CLEC4C: variants seen among roughly 807,000 people sequenced by gnomAD.
CLEC4C encodes C-type (calcium dependent, carbohydrate-recognition domain) lectin, superfamily member 11.
In CLEC4C, 17 loss-of-function variants were observed where a neutral mutation model predicts 27.7. The observed-to-expected ratio is 0.61, with a 90% CI of 0.42 to 0.92. The LOEUF is 0.92. Among genes scored for constraint, CLEC4C ranks in the 40% least tolerant of loss-of-function variants. The probability of loss-of-function intolerance (pLI) is 0.00; values close to 1 mark genes in which losing one functional copy is unlikely to be tolerated. For synonymous variants in CLEC4C, 80 were observed against 80.8 expected (o/e 0.99, Z 0.06); for missense variants, 244 against 257.3 (o/e 0.95, Z 0.35).
intron 2 of CLEC4C, among the ~76,000 whole-genome samples, chr12:7,743,943 C>A (rs1864917395): frequency 6.6e-6 from 1 of 152,132 alleles, no homozygotes; most frequent in African/African-American, 2.4e-5. Flanking sequence ...CCTCAGGAAG[C>A]TTTCAGTCAT....
At chr12:7,747,201 T>C in intron 1 of CLEC4C, 117 bp downstream of exon 1, 2 of 877,578 alleles carry the variant, frequency 2.3e-6, no homozygotes, top group Non-Finnish European at 3.9e-6. Flanking sequence ...AAATTACTAT[T>C]ATTTATGAAA....
chr12:7,741,907 G>A (rs12829127), intron 2 of CLEC4C, among the ~76,000 whole-genome samples: 1 of 152,002 alleles, frequency 6.6e-6, no homozygotes, highest in African/African-American at 2.4e-5. Flanking sequence ...TATAATCCGA[G>A]CTACTTGGGA....
At chr12:7,746,179 A>C in intron 2 of CLEC4C, 152 bp downstream of exon 2, 1 of 563,394 alleles carries the variant, frequency 1.8e-6, no homozygotes, top group Non-Finnish European at 3.1e-6. Flanking sequence ...ACGCCACTGC[A>C]CTCCATCCTG....
chr12:7,747,342 G>C lies in CLEC4C; in HGVS notation c.7C>G (p.Pro3Ala), dbSNP rs1351752007. ...CCTCGGTCTTGAGGCTCTTCTTCAG[G>C]CACCATTGTGTGTGCGCACACCCTT... MV[P>A]EEEPQDREKG... Residue 3 changes from proline (P) to alanine (A), a missense_variant, in exon 1 of 6, where the codon CCT (proline) becomes GCT (alanine). Physicochemically the swap from Pro to Ala is conservative, Grantham distance 27. Transcript: ENST00000360345. 6.2e-7 allele frequency: 1 copy of C among 1,614,028 alleles called. No individual in the cohort carries two copies. The highest frequency in any genetic ancestry group is 8.5e-7 in the Non-Finnish European group (1 of 1,179,996).
intron 3 of CLEC4C, 137 bp downstream of exon 3, chr12:7,741,284 T>C (rs755669581): frequency 1.6e-5 from 10 of 612,720 alleles, no homozygotes; most frequent in Non-Finnish European, 2.7e-5. Flanking sequence ...CTATTTAAGA[T>C]ACCAAGTAGA....
chr12:7,729,499 T>G lies in CLEC4C; in HGVS notation c.*97A>C. ...AGCCTGCTGAAACATTTTAGGGGCA[T>G]TCCTTGTACAAAACTTACACATAAA... On this transcript the variant is annotated 3_prime_UTR_variant, in exon 6 of 6. Transcript: ENST00000360345. 1 of 1,118,394 alleles carries G rather than the reference T, an allele frequency of 8.9e-7. No homozygotes were observed. 69.3% of individuals were successfully genotyped at this position (1,118,394 alleles called of 1,614,324 possible).
At chr12:7,739,690 CT>C (rs147510468) in intron 3 of CLEC4C, among the ~76,000 whole-genome samples, 34,456 of 151,360 alleles carry the variant, frequency 0.23, 4,450 homozygotes, top group Admixed American at 0.32. Context: ...TATTTATTAT[CT>C]TTTTTTTAGA....
At chr12:7,734,838 G>A (rs1206250452) in intron 4 of CLEC4C, among the ~76,000 whole-genome samples, 3 of 151,612 alleles carry the variant, frequency 2.0e-5, no homozygotes, top group Admixed American at 1.3e-4. Context: ...ATGAGCCACC[G>A]TGCCTGGCCT....
At chr12:7,737,306 G>GT (rs1457828483) in intron 4 of CLEC4C, 123 bp downstream of exon 4, 973 of 846,576 alleles carry the variant, frequency 1.1e-3, no homozygotes, top group Non-Finnish European at 1.2e-3. Flanking sequence ...TGTTTTTTGG[G>GT]TTTTTTTTTA....
At position 7,741,500 on chromosome 12, in the gene CLEC4C, G is replaced by C. The variant is rs1052948322; in HGVS notation, c.156C>G (p.Val52=). The change falls in exon 3 of 6, where the codon GTC becomes GTG. Residue 52 remains valine, a synonymous_variant. Coordinates refer to ENST00000360345, the MANE Select transcript of CLEC4C (RefSeq NM_001371390.1). ...ACTCTCGTAACTTGGACAGCCTCTT[G>C]ACAGTTTTGCTATACATAAAATTGT... ...VPHNFMYSKT[V]KRLSKLREYQ... is the part of the protein sequence containing the mutation. 15 of 1,610,784 alleles carry C rather than the reference G, an allele frequency of 9.3e-6. No homozygotes were observed. The highest frequency in any genetic ancestry group is 1.2e-5 in the Non-Finnish European group (14 of 1,177,122).
Position 7,729,436 on chromosome 12 carries a change from ATGTG to A in CLEC4C, c.*156_*159del. 1 of 591,652 alleles carries A rather than the reference ATGTG, an allele frequency of 1.7e-6. No individual in the cohort carries two copies. Among genetic ancestry groups the A allele is most frequent in the Non-Finnish European group, 2.9e-6 (1 of 342,256 alleles). The allele number at this position is 591,652 out of a possible 1,614,324, so 36.7% of individuals were successfully genotyped here. On this transcript the variant is annotated 3_prime_UTR_variant, in exon 6 of 6. Transcript: ENST00000360345. Reference sequence around the variant, plus strand: ...AATAAATGAATAAATGAATAAATGAATGTGTGAATGGATTATATCATAAGTGTAA... The same window carrying A: ...AATAAATGAATAAATGAATAAATGAATGAATGGATTATATCATAAGTGTAA...
intron 4 of CLEC4C, among the ~76,000 whole-genome samples, chr12:7,736,111 C>T (rs932488964): frequency 5.9e-5 from 9 of 152,020 alleles, no homozygotes; most frequent in Non-Finnish European, 8.8e-5. Flanking sequence ...GTGAAACCCC[C>T]GTCTCTACTA....
intron 2 of CLEC4C, among the ~76,000 whole-genome samples, chr12:7,745,981 C>T (rs1391011360): frequency 2.0e-5 from 3 of 151,502 alleles, no homozygotes; most frequent in East Asian, 3.9e-4. Flanking sequence ...TTTGGGAGGC[C>T]AAGGTGGGCG....
intron 2 of CLEC4C, among the ~76,000 whole-genome samples, chr12:7,745,596 C>T (rs147781690): frequency 0.22 from 32,984 of 151,254 alleles, 4,284 homozygotes; most frequent in Admixed American, 0.31. Context: ...CTGCACCCAG[C>T]TAATTTTTGT....
At chr12:7,730,198 T>C (rs1387022605) in intron 5 of CLEC4C, among the ~76,000 whole-genome samples, 3 of 152,184 alleles carry the variant, frequency 2.0e-5, no homozygotes, top group Admixed American at 1.3e-4. Flanking sequence ...TTAGTCTCTG[T>C]TATTTAGTGC....
rs61747156 is a variant in CLEC4C, at chr12:7,737,480, G to A, written c.330C>T (p.Asn110=). The A allele has an allele frequency of 9.7e-4, 1,559 of 1,613,982 alleles. 12 individuals carry two copies. In the African/African-American group the frequency reaches 0.017, roughly 18 times the overall value. Residue 110 remains asparagine (N), a synonymous_variant, in exon 4 of 6, where the codon AAC becomes AAT. Transcript: ENST00000360345. The part of the protein sequence containing the change: ...GMQSWTKSQK[N]CSVMGADLVV... ...CCAGATCAGCCCCCATCACAGAACA[G>A]TTCTTTTGACTCTTAGTCCAAGATT...
intron 4 of CLEC4C, 71 bp downstream of exon 4, chr12:7,737,358 G>T: frequency 8.5e-7 from 1 of 1,170,680 alleles, no homozygotes; most frequent in Non-Finnish European, 1.1e-6. Context: ...AACTTTCAGG[G>T]CAATAAAAAG....
At chr12:7,735,510 A>G (rs1864704404) in intron 4 of CLEC4C, among the ~76,000 whole-genome samples, 1 of 146,596 alleles carries the variant, frequency 6.8e-6, no homozygotes, top group East Asian at 2.0e-4. Context: ...CTCAAAGAAA[A>G]AAAAAAAAAA....
rs1247936005 is a variant in CLEC4C, at chr12:7,746,340, TCA to T, written c.113_114del (p.Val38GlufsTer11). On this transcript the variant is annotated frameshift_variant, in exon 2 of 6. Transcript: ENST00000360345. LOFTEE classifies it high-confidence loss of function. ...CCAGCCAAGAACTTACCCACAGAACTCACAGTGAAACAGACACTGAGGAGCAA... is the reference window on the plus strand; with the variant it reads ...CCAGCCAAGAACTTACCCACAGAACTCAGTGAAACAGACACTGAGGAGCAA... ...SILLLSVCFT[V>X]SSVVPHNFMY... 1 of 1,608,314 alleles carries T rather than the reference TCA, an allele frequency of 6.2e-7. No individual in the cohort carries two copies. The highest frequency in any genetic ancestry group is 2.2e-5 in the East Asian group (1 of 44,610).
Sources: allele counts gnomAD v4.1 joint callset (sites outside exome capture counted in the v4.1 genomes callset), GRCh38; gene constraint gnomAD v4.1.1; transcripts MANE v1.5; gene names NCBI Gene and HGNC (gene_info 2026-07-23, HGNC 2026-07-21).